ITGB5: variants seen among roughly 807,000 people sequenced by gnomAD.
ITGB5 encodes integrin subunit beta 5, also known as integrin beta-5.
A neutral mutation model predicts 84.8 loss-of-function variants in ITGB5; 38 were observed. The ratio of observed to expected loss-of-function variants is 0.45; its 90% CI spans 0.35 to 0.59. ITGB5 has a LOEUF of 0.59. Among genes scored for constraint, ITGB5 ranks in the 20% least tolerant of loss-of-function variants. The probability of loss-of-function intolerance (pLI) is 0.01; values close to 1 mark genes in which losing one functional copy is unlikely to be tolerated. For synonymous variants in ITGB5, 393 were observed against 414.4 expected (o/e 0.95, Z 0.63); for missense variants, 905 against 1,034.5 (o/e 0.87, Z 1.72).
At chr3:124,846,425 CAAA>C (rs1190656208) in intron 4 of ITGB5, among the ~76,000 whole-genome samples, 1 of 69,858 alleles carries the variant, frequency 1.4e-5, no homozygotes, top group Non-Finnish European at 3.0e-5. Flanking sequence ...GTTGCACAAG[CAAA>C]AAAAAAAAAA....
intron 9 of ITGB5, among the ~76,000 whole-genome samples, chr3:124,801,397 C>T (rs1214875549): frequency 1.3e-5 from 2 of 152,218 alleles, no homozygotes; most frequent in Non-Finnish European, 1.5e-5. Flanking sequence ...TTGAGGACAT[C>T]CCTGCCCCTC....
chr3:124,791,215 G>C (rs1429281395), intron 10 of ITGB5: 1 of 152,294 alleles, frequency 6.6e-6, no homozygotes, highest in East Asian at 1.9e-4. Context: ...CAAAAGAAAA[G>C]AAATCCTCAT....
At chr3:124,863,441 G>A (rs1000317051) in intron 2 of ITGB5, 1 of 152,230 alleles carries the variant, frequency 6.6e-6, no homozygotes, top group African/African-American at 2.4e-5. Context: ...AAGGAACTGA[G>A]AGTGCTGCGG....
intron 2 of ITGB5, among the ~76,000 whole-genome samples, chr3:124,872,980 C>A (rs771863529): frequency 3.9e-5 from 6 of 152,168 alleles, no homozygotes; most frequent in Non-Finnish European, 8.8e-5. Flanking sequence ...AAAGAAATGG[C>A]AGCCATTATT....
Position 124,819,636 on chromosome 3 carries a change from T to C in ITGB5, c.1038+103A>G, listed in dbSNP as rs565908705. On this transcript the variant is annotated intron_variant, in intron 7 of 14. Coordinates refer to ENST00000296181, the MANE Select transcript of ITGB5 (RefSeq NM_002213.5). ...TCCATTAGATCAAGACTGGGCTATATTCCACCCCTCCTTTGAATTTCCCCC... is the reference window on the plus strand; with the variant it reads ...TCCATTAGATCAAGACTGGGCTATACTCCACCCCTCCTTTGAATTTCCCCC... 4 of 838,364 alleles carry C rather than the reference T, an allele frequency of 4.8e-6. No homozygotes were observed. In the African/African-American group the frequency reaches 5.0e-5, roughly 10 times the overall value. The allele number at this position is 838,364 out of a possible 1,614,324, so 51.9% of individuals were successfully genotyped here.
intron 10 of ITGB5, among the ~76,000 whole-genome samples, chr3:124,783,277 C>G (rs929076737): frequency 8.1e-6 from 1 of 122,988 alleles, no homozygotes; most frequent in Non-Finnish European, 1.6e-5. Flanking sequence ...GGCAACAGAG[C>G]GAGACTCCGT....
chr3:124,865,711 C>T (rs1444567940), intron 2 of ITGB5, among the ~76,000 whole-genome samples: 1 of 151,996 alleles, frequency 6.6e-6, no homozygotes, highest in African/African-American at 2.4e-5. Flanking sequence ...TGGTCTACAA[C>T]TCCTGGGCTC....
chr3:124,839,221 G>T (rs2064979656), intron 5 of ITGB5, among the ~76,000 whole-genome samples: 1 of 152,182 alleles, frequency 6.6e-6, no homozygotes, highest in Non-Finnish European at 1.5e-5. Flanking sequence ...ATTTCAACAG[G>T]TATAAGCCTG....
intron 1 of ITGB5, among the ~76,000 whole-genome samples, chr3:124,880,069 G>GA (rs755931249): frequency 2.6e-5 from 4 of 152,078 alleles, no homozygotes; most frequent in African/African-American, 9.7e-5. Context: ...CTAATCACGG[G>GA]AAAAAATCAG....
At chr3:124,766,409 G>A (rs528141300) in intron 12 of ITGB5, 64 bp from the exon 13 acceptor site, 22 of 1,581,766 alleles carry the variant, frequency 1.4e-5, no homozygotes, top group African/African-American at 1.1e-4. Flanking sequence ...ACTGATGGTC[G>A]GGGCAGGGAG....
chr3:124,796,077 T>C (rs1247457664), intron 10 of ITGB5, among the ~76,000 whole-genome samples: 1 of 152,232 alleles, frequency 6.6e-6, no homozygotes. Context: ...AAGAAGAGGC[T>C]GAACATCTCT....
intron 11 of ITGB5, among the ~76,000 whole-genome samples, chr3:124,772,831 A>T (rs1228113770): frequency 1.3e-5 from 2 of 151,984 alleles, no homozygotes; most frequent in Non-Finnish European, 2.9e-5. Flanking sequence ...ATCTGTATAA[A>T]TGGAGCAGAA....
rs1450808165 is a variant in ITGB5 at position 124,766,358 on chromosome 3, C to G, written c.2018-13G>C. 1 of 1,613,400 alleles carries G rather than the reference C, an allele frequency of 6.2e-7. No homozygotes were observed. The highest frequency in any genetic ancestry group is 2.2e-5 in the East Asian group (1 of 44,878). On this transcript the variant is annotated splice_polypyrimidine_tract_variant and intron_variant, in intron 12 of 14. Coordinates refer to ENST00000296181, the MANE Select transcript of ITGB5 (RefSeq NM_002213.5). ...TGGTCATCTTTCACTGGAAGAAAAC[C>G]AAGCGGGAATGGCCTGAGTCTCTCT...
chr3:124,769,961 G>A (rs1032863801), intron 11 of ITGB5: 9 of 152,246 alleles, frequency 5.9e-5, no homozygotes, highest in African/African-American at 2.2e-4. Flanking sequence ...GATAGTGGGT[G>A]AAAATGCTTA....
In ITGB5 at chr3:124,819,727, C is replaced by T. The variant is rs756593068; in HGVS notation, c.1038+12G>A. 1 of 1,590,304 alleles carries T rather than the reference C, an allele frequency of 6.3e-7. No individual in the cohort carries two copies. The highest frequency in any genetic ancestry group is 8.6e-7 in the Non-Finnish European group (1 of 1,158,386). On this transcript the variant is annotated intron_variant, in intron 7 of 14. Coordinates refer to ENST00000296181, the MANE Select transcript of ITGB5 (RefSeq NM_002213.5). ...CCCCACAAATCACTAGCCTCCCTCC[C>T]TCCCAGCATACCTTGTACAGCATAT...
chr3:124,886,327 G>T (rs1233214016), intron 1 of ITGB5, among the ~76,000 whole-genome samples: 1 of 151,072 alleles, frequency 6.6e-6, no homozygotes, highest in African/African-American at 2.4e-5. Context: ...TGGCCTAGGC[G>T]AGGAGGAAGC....
chr3:124,773,052 C>T (rs545112243), intron 11 of ITGB5, among the ~76,000 whole-genome samples: 278 of 151,818 alleles, frequency 1.8e-3, no homozygotes, highest in African/African-American at 6.3e-3. Flanking sequence ...ATTACAGGCA[C>T]GTGCCACCAC....
chr3:124,884,852 A>G (rs1265739686), intron 1 of ITGB5, among the ~76,000 whole-genome samples: 1 of 152,218 alleles, frequency 6.6e-6, no homozygotes, highest in African/African-American at 2.4e-5. Flanking sequence ...TCCTGACCCA[A>G]GTAGAGGGGA....
intron 1 of ITGB5, among the ~76,000 whole-genome samples, chr3:124,877,399 T>A (rs140077565): frequency 2.0e-5 from 3 of 152,132 alleles, no homozygotes; most frequent in African/African-American, 7.2e-5. Context: ...GCAATCACTA[T>A]CTGCAGGGGA....
Sources: gnomAD v4.1 joint callset for allele counts (sites outside exome capture counted in the v4.1 genomes callset) on GRCh38, gnomAD v4.1.1 for gene constraint, MANE v1.5 for transcripts, NCBI Gene and HGNC (gene_info 2026-07-23, HGNC 2026-07-21) for gene names.